Variants in MAPK1IP1L observed in about 807,000 individuals in gnomAD.
The protein encoded by MAPK1IP1L is MAPK-interacting and spindle-stabilizing protein-like.
A neutral mutation model predicts 18.1 loss-of-function variants in MAPK1IP1L; 10 were observed. That is an observed-to-expected ratio of 0.55 (90% confidence interval 0.34 to 0.94). The LOEUF (loss-of-function observed/expected upper bound fraction) is 0.94. Ranked by LOEUF, MAPK1IP1L falls within the 40% of genes least tolerant of loss-of-function variation. The pLI is 0.02. For missense variants in MAPK1IP1L, 260 were observed against 318.2 expected, an observed-to-expected ratio of 0.82 and a Z score of 1.39; for synonymous variants, 115 against 117.3, an observed-to-expected ratio of 0.98 and a Z score of 0.13.
At chr14:55,052,311 T>G (rs1352398417) in intron 1 of MAPK1IP1L, among the ~76,000 whole-genome samples, 2 of 152,178 alleles carry the variant, frequency 1.3e-5, no homozygotes, top group Non-Finnish European at 2.9e-5. Context: ...CCTGAAAAGA[T>G]TCTTACAAGA....
rs2042888250 is a variant in MAPK1IP1L, at chr14:55,069,266, AATGT to A, written c.*4645_*4648del. 6.6e-6 allele frequency: 1 copy of A among 152,660 alleles called. No individual in the cohort carries two copies. Among genetic ancestry groups the A allele is most frequent in the Non-Finnish European group, 1.5e-5 (1 of 68,038 alleles). 9.5% of individuals were successfully genotyped at this position (152,660 alleles called of 1,614,324 possible). A position where few individuals can be genotyped will look rare whatever the true frequency, so the allele number is the denominator to read the frequency against. Reference sequence around the variant, plus strand: ...TTTCACTGACAGTAATGACAAATTTAATGTATGTAATTGTCTATGCATTTTAAGT... The same window carrying A: ...TTTCACTGACAGTAATGACAAATTTAATGTAATTGTCTATGCATTTTAAGT... On this transcript the variant is annotated 3_prime_UTR_variant, in exon 4 of 4. Transcript: ENST00000395468.
chr14:55,061,020 C>T (rs1466961784), intron 1 of MAPK1IP1L, among the ~76,000 whole-genome samples: 1 of 151,940 alleles, frequency 6.6e-6, no homozygotes, highest in Non-Finnish European at 1.5e-5. Context: ...CATGATGGCA[C>T]ACACCTGTAG....
At position 55,067,064 on chromosome 14, in the gene MAPK1IP1L, ATTTT is replaced by A. The variant is rs757107829; in HGVS notation, c.*2455_*2458del. The A allele has an allele frequency of 4.7e-5, 6 of 128,284 alleles. No homozygotes were observed. Among genetic ancestry groups the A allele is most frequent in the Non-Finnish European group, 8.3e-5 (5 of 60,340 alleles). 7.9% of individuals were successfully genotyped at this position (128,284 alleles called of 1,614,324 possible). ...AGGTGCCCGCCACCATGCCCGGCTA[ATTTT>A]TTTTTTTTTTTTTTTTTAGTAGAGA... On this transcript the variant is annotated 3_prime_UTR_variant, in exon 4 of 4. Coordinates refer to ENST00000395468, the MANE Select transcript of MAPK1IP1L (RefSeq NM_144578.4).
rs1186205364 is a variant in MAPK1IP1L at position 55,069,993 on chromosome 14, A to G, written c.*5366A>G. The stretch of plus-strand genomic sequence containing the variant: ...TCGCTGGCATTCCTTGGAACTCCCA[A>G]TTTCAGTAGGGCAATGAATGAATGA... On this transcript the variant is annotated 3_prime_UTR_variant, in exon 4 of 4. Transcript: ENST00000395468. 3 of 152,218 alleles carry G rather than the reference A, an allele frequency of 2.0e-5. No homozygotes were observed. The highest frequency in any genetic ancestry group is 2.9e-5 in the Non-Finnish European group (2 of 68,042). The allele number at this position is 152,218 out of a possible 1,614,324, so 9.4% of individuals were successfully genotyped here. A position where few individuals can be genotyped will look rare whatever the true frequency, so the allele number is the denominator to read the frequency against.
chr14:55,058,863 A>G (rs1184970660), intron 1 of MAPK1IP1L, among the ~76,000 whole-genome samples: 1 of 151,848 alleles, frequency 6.6e-6, no homozygotes, highest in Non-Finnish European at 1.5e-5. Flanking sequence ...GGAAACAATA[A>G]AAATAACCAT....
At chr14:55,060,747 G>A (rs898362553) in intron 1 of MAPK1IP1L, 2 of 152,162 alleles carry the variant, frequency 1.3e-5, no homozygotes, top group African/African-American at 2.4e-5. Context: ...AATTATCAGA[G>A]CTTGTTAATC....
Sources: gnomAD v4.1 joint callset for allele counts (sites outside exome capture counted in the v4.1 genomes callset) on GRCh38, gnomAD v4.1.1 for gene constraint, MANE v1.5 for transcripts, NCBI Gene and HGNC (gene_info 2026-07-23, HGNC 2026-07-21) for gene names.